RFTN1: variants seen among roughly 807,000 people sequenced by gnomAD.
RFTN1 encodes the protein raftlin.
A neutral mutation model predicts 46.5 loss-of-function variants in RFTN1; 26 were observed. That is an observed-to-expected ratio of 0.56 (90% CI 0.41 to 0.78). RFTN1 has a LOEUF of 0.78. Among genes scored for constraint, RFTN1 ranks in the 30% least tolerant of loss-of-function variants. The probability of loss-of-function intolerance (pLI) is 0.00; values close to 1 mark genes in which losing one functional copy is unlikely to be tolerated. For missense variants in RFTN1, 693 were observed against 718.7 expected (o/e 0.96, Z 0.41); for synonymous variants, 261 against 284.2 (o/e 0.92, Z 0.82).
rs940426341 is a variant in RFTN1, at chr3:16,479,630, G to A, written c.145+14095C>T. On this transcript the variant is annotated intron_variant, in intron 2 of 9. Coordinates refer to ENST00000334133, the MANE Select transcript of RFTN1 (RefSeq NM_015150.2). The surrounding 1 kb of genome is among the most constrained non-coding windows in gnomAD (Gnocchi z 5.1). The stretch of plus-strand genomic sequence containing the variant: ...AAGCCATGATGGACTGAAGACCGGT[G>A]AGCCCATGCTCAGGGCATCTTTGAT... 1.3e-5 allele frequency among the ~76,000 whole-genome samples: 2 copies of A among 152,206 alleles called. No homozygotes were observed. Among genetic ancestry groups the A allele is most frequent in the African/African-American group, 2.4e-5 (1 of 41,438 alleles).
intron 6 of RFTN1, among the ~76,000 whole-genome samples, chr3:16,364,710 G>A (rs566849301): frequency 6.6e-6 from 1 of 152,336 alleles, no homozygotes; most frequent in African/African-American, 2.4e-5. Flanking sequence ...TACGTATATA[G>A]CTGTGTATTT....
Position 16,380,833 on chromosome 3 carries a change from C to T in RFTN1, c.442-2731G>A, listed in dbSNP as rs59887074. Among the ~76,000 whole-genome samples, 1,290 of 152,298 alleles carry T rather than the reference C, an allele frequency of 8.5e-3. 22 individuals are homozygous for T. The highest frequency in any genetic ancestry group is 0.03 in the African/African-American group (1,241 of 41,552). On this transcript the variant is annotated intron_variant, in intron 4 of 9. Coordinates refer to ENST00000334133, the MANE Select transcript of RFTN1 (RefSeq NM_015150.2). The surrounding 1 kb of genome is among the most constrained non-coding windows in gnomAD (Gnocchi z 4.8). ...TAATAGAATGATGTCTGACATATAG[C>T]AGGTCCTCAATAAATATCTGTTGAA...
In RFTN1 at chr3:16,484,752, A is replaced by G. The variant is rs1056454383; in HGVS notation, c.145+8973T>C. ...GAAGATTCAGGAACCAAGAAAGCCA[A>G]AGTGAAGGCTTTGCTGTTCAGTAAA... is the stretch of plus-strand genomic sequence containing the variant. On this transcript the variant is annotated intron_variant, in intron 2 of 9. Coordinates refer to ENST00000334133, the MANE Select transcript of RFTN1 (RefSeq NM_015150.2). This position sits in a 1 kb window ranked among gnomAD's most constrained non-coding sequence, Gnocchi z 4.6. 6.6e-6 allele frequency: 1 copy of G among 152,232 alleles called. No individual in the cohort carries two copies. The highest frequency in any genetic ancestry group is 2.4e-5 in the African/African-American group (1 of 41,458). 9.4% of individuals were successfully genotyped at this position (152,232 alleles called of 1,614,324 possible). A position where few individuals can be genotyped will look rare whatever the true frequency, so the allele number is the denominator to read the frequency against.
chr3:16,325,857 C>T (rs1218695851), intron 8 of RFTN1, among the ~76,000 whole-genome samples: 2 of 152,348 alleles, frequency 1.3e-5, no homozygotes, highest in African/African-American at 2.4e-5. Context: ...TGCTGTCCAT[C>T]ACTCTGCAGT....
rs1344244744 is a variant in RFTN1 at position 16,335,059 on chromosome 3, G to T, written c.1147-8183C>A. Among the ~76,000 whole-genome samples, 1 of 152,222 alleles carries T rather than the reference G, an allele frequency of 6.6e-6. No individual in the cohort carries two copies. Among genetic ancestry groups the T allele is most frequent in the African/African-American group, 2.4e-5 (1 of 41,450 alleles). On this transcript the variant is annotated intron_variant, in intron 7 of 9. Transcript: ENST00000334133. The surrounding 1 kb of genome is among the most constrained non-coding windows in gnomAD (Gnocchi z 4.7). ...AGAATGTGGTCCTGTCAACACCTTG[G>T]TTTTAGCCCCTTAATACTCATTTCA...
At chr3:16,360,256 C>T (rs917589245) in intron 6 of RFTN1, among the ~76,000 whole-genome samples, 7 of 152,020 alleles carry the variant, frequency 4.6e-5, no homozygotes, top group Non-Finnish European at 8.8e-5. Flanking sequence ...ACTGCAGCCT[C>T]AACCTCCTGG....
chr3:16,324,240 CTACTTAACAAATCCATCACCTCACA>C (rs2069423157), intron 8 of RFTN1, among the ~76,000 whole-genome samples: 1 of 152,122 alleles, frequency 6.6e-6, no homozygotes, highest in Non-Finnish European at 1.5e-5. Flanking sequence ...TTAAATCAGG[CTACTTAACAAATCCATCACCTCACA>C]TACTTAGCAC....
rs111496018 is a variant in RFTN1, at chr3:16,350,528, A to C, written c.1146+7404T>G. 3.3e-5 allele frequency among the ~76,000 whole-genome samples: 5 copies of C among 151,786 alleles called. 1 individual carries two copies. The highest frequency in any genetic ancestry group is 1.2e-4 in the African/African-American group (5 of 41,336). ...TTTTTAAAGGAAAAGGCACTCATCC[A>C]TACATACTATTCTGTAAACAGGTGT... On this transcript the variant is annotated intron_variant, in intron 7 of 9. Coordinates refer to ENST00000334133, the MANE Select transcript of RFTN1 (RefSeq NM_015150.2).
chr3:16,493,379 C>G (rs2076572981), intron 2 of RFTN1, among the ~76,000 whole-genome samples: 1 of 152,012 alleles, frequency 6.6e-6, no homozygotes, highest in Non-Finnish European at 1.5e-5. Context: ...CTACAGGCAC[C>G]CGCCACCACG....
rs751497765 is a variant in RFTN1, at chr3:16,409,444, C to T, written c.372G>A (p.Leu124=). 1 of 1,613,546 alleles carries T rather than the reference C, an allele frequency of 6.2e-7. No individual in the cohort carries two copies. Among genetic ancestry groups the T allele is most frequent in the Non-Finnish European group, 8.5e-7 (1 of 1,179,542 alleles). The change falls in exon 4 of 10, where the codon TTG becomes TTA. Residue 124 remains leucine, a synonymous_variant. Transcript: ENST00000334133. ...KTDLHNEGYI[L]ELDCCSSLDH... is the part of the protein sequence containing the mutation. ...CTAAGGAGGAACAGCAATCTAATTC[C>T]AAGATGTAGCCTTCATTGTGAAGAT...
At chr3:16,398,990 C>T (rs1426347105) in intron 4 of RFTN1, among the ~76,000 whole-genome samples, 1 of 152,204 alleles carries the variant, frequency 6.6e-6, no homozygotes, top group Non-Finnish European at 1.5e-5. Context: ...ACAGGCTGTC[C>T]ACAGAGCTAA....
chr3:16,449,257 T>C lies in RFTN1; in HGVS notation c.146-15220A>G, dbSNP rs1236737182. 6.6e-6 allele frequency among the ~76,000 whole-genome samples: 1 copy of C among 152,220 alleles called. No individual in the cohort carries two copies. The highest frequency in any genetic ancestry group is 1.5e-5 in the Non-Finnish European group (1 of 68,046). ...AGAACAGAAATCTGGAATTGAATTA[T>C]AGGAGAGAAAGCTGATTATTCATCA... is the stretch of plus-strand genomic sequence containing the variant. On this transcript the variant is annotated intron_variant, in intron 2 of 9. Transcript: ENST00000334133. This position sits in a 1 kb window ranked among gnomAD's most constrained non-coding sequence, Gnocchi z 5.1.
In RFTN1 at chr3:16,449,623, C is replaced by A. The variant is rs939272859; in HGVS notation, c.146-15586G>T. On this transcript the variant is annotated intron_variant, in intron 2 of 9. Transcript: ENST00000334133. The surrounding 1 kb of genome is among the most constrained non-coding windows in gnomAD (Gnocchi z 5.1). ...CTAACGTGACAGACTGTCATGTCCA[C>A]GAGTTGATCCTTAAGTCTCGGAACC... Among the ~76,000 whole-genome samples, 2 of 152,158 alleles carry A rather than the reference C, an allele frequency of 1.3e-5. No individual in the cohort carries two copies. The highest frequency in any genetic ancestry group is 2.9e-5 in the Non-Finnish European group (2 of 68,028).
intron 2 of RFTN1, among the ~76,000 whole-genome samples, chr3:16,462,523 A>T (rs1189774719): frequency 6.6e-6 from 1 of 152,232 alleles, no homozygotes; most frequent in Non-Finnish European, 1.5e-5. Flanking sequence ...AGGCAGACAC[A>T]CAGGAGAGGA....
chr3:16,482,868 G>A (rs1026297417), intron 2 of RFTN1: 2 of 1,529,988 alleles, frequency 1.3e-6, no homozygotes, highest in African/African-American at 2.7e-5. Context: ...TGTACGAGGA[G>A]GAGCCTCCCA....
At chr3:16,497,480 G>C (rs2076644482) in intron 1 of RFTN1, among the ~76,000 whole-genome samples, 1 of 152,200 alleles carries the variant, frequency 6.6e-6, no homozygotes. Context: ...GCTTCTAATG[G>C]GTAGCGGCAG....
At position 16,387,674 on chromosome 3, in the gene RFTN1, G is replaced by C. The variant is rs1398194594; in HGVS notation, c.442-9572C>G. On this transcript the variant is annotated intron_variant, in intron 4 of 9. Transcript: ENST00000334133. The surrounding 1 kb of genome is among the most constrained non-coding windows in gnomAD (Gnocchi z 5.2). ...TTATCTTTTTTTAAAAGAAGAAAAA[G>C]AGGAAAGAATCCAACCAACAATAGA... Among the ~76,000 whole-genome samples, 1 of 147,536 alleles carries C rather than the reference G, an allele frequency of 6.8e-6. No individual in the cohort carries two copies. The highest frequency in any genetic ancestry group is 1.5e-5 in the Non-Finnish European group (1 of 67,196).
rs1398002869 is a variant in RFTN1 at position 16,399,163 on chromosome 3, T to C, written c.441+10212A>G. Among the ~76,000 whole-genome samples, 6 of 152,282 alleles carry C rather than the reference T, an allele frequency of 3.9e-5. No individual in the cohort carries two copies. In the East Asian group the frequency reaches 1.2e-3, roughly 29 times the overall value. ...ATGCTTTACATGGGCAAGATCTAATTCCCTGGTCAGATATTAAAACCAATT... is the reference window on the plus strand; with the variant it reads ...ATGCTTTACATGGGCAAGATCTAATCCCCTGGTCAGATATTAAAACCAATT... On this transcript the variant is annotated intron_variant, in intron 4 of 9. Transcript: ENST00000334133.
Position 16,465,897 on chromosome 3 carries a change from C to G in RFTN1, c.145+27828G>C, listed in dbSNP as rs1193785720. Among the ~76,000 whole-genome samples the G allele has an allele frequency of 6.6e-6, 1 of 152,176 alleles. No individual in the cohort carries two copies. Among genetic ancestry groups the G allele is most frequent in the Non-Finnish European group, 1.5e-5 (1 of 68,042 alleles). On this transcript the variant is annotated intron_variant, in intron 2 of 9. Coordinates refer to ENST00000334133, the MANE Select transcript of RFTN1 (RefSeq NM_015150.2). The surrounding 1 kb of genome is among the most constrained non-coding windows in gnomAD (Gnocchi z 5.1). ...CATGCCCTTAAAAAAGAAACACAAA[C>G]TCCTCTAAAAGTTGAGAAACAAAAA... is the stretch of plus-strand genomic sequence containing the variant.
Sources: allele counts gnomAD v4.1 joint callset (sites outside exome capture counted in the v4.1 genomes callset), GRCh38; gene constraint gnomAD v4.1.1; non-coding constraint Gnocchi (gnomAD v3.1); transcripts MANE v1.5; gene names NCBI Gene and HGNC (gene_info 2026-07-23, HGNC 2026-07-21).